The following KPNA7 variants were observed in gnomAD, a reference collection of about 807,000 sequenced individuals.
KPNA7 encodes importin subunit alpha-8.
KPNA7 carries 54 observed loss-of-function variants against 53.7 expected under a neutral mutation model. The observed-to-expected ratio is 1.01, with a 90% CI of 0.81 to 1.26. KPNA7 has a LOEUF of 1.26. Among genes scored for constraint, KPNA7 ranks in the 50% most tolerant of loss-of-function variants. The pLI, the probability that KPNA7 is intolerant of heterozygous loss-of-function variation, is 0.00. For synonymous variants in KPNA7, 276 were observed against 259.3 expected, an observed-to-expected ratio of 1.06 and a Z score of -0.62; for missense variants, 640 against 644.5, an observed-to-expected ratio of 0.99 and a Z score of 0.07.
intron 3 of KPNA7, among the ~76,000 whole-genome samples, chr7:99,201,529 G>T (rs1790533042): frequency 2.0e-5 from 3 of 151,618 alleles, no homozygotes; most frequent in African/African-American, 2.4e-5. Flanking sequence ...TGGGTGTGGT[G>T]GTGGGCACCT....
At chr7:99,149,375 C>G in the KPNA7 span, among the ~76,000 whole-genome samples, 19 of 152,200 alleles carry the variant, frequency 1.2e-4, no homozygotes, top group Non-Finnish European at 2.1e-4. Context: ...CACCATATCA[C>G]CAGCCGGTGC....
chr7:99,164,124 C>G, the KPNA7 span, among the ~76,000 whole-genome samples: 2 of 150,130 alleles, frequency 1.3e-5, no homozygotes, highest in South Asian at 4.4e-4. Flanking sequence ...TTGACCCAGC[C>G]ATCCCATTAC....
Position 99,196,998 on chromosome 7 carries a change from A to G in KPNA7, c.202-832T>C, listed in dbSNP as rs1260601867. ...AAAAACTTGAAAGGGAATGTCATGT[A>G]TAGGGCTATGCATATGCTTAAAAAC... On this transcript the variant is annotated intron_variant, in intron 3 of 10. Transcript: ENST00000327442. Among the ~76,000 whole-genome samples the G allele has an allele frequency of 2.0e-5, 3 of 151,770 alleles. No individual in the cohort carries two copies. The Admixed American group carries it at 2.0e-4, about 10-fold the overall frequency.
intron 5 of KPNA7, 35 bp from the exon 6 acceptor site, chr7:99,193,136 G>T: frequency 7.6e-7 from 1 of 1,316,568 alleles, no homozygotes; most frequent in Non-Finnish European, 1.0e-6. Context: ...TTTAGAGAGA[G>T]AACAAAGACA....
At position 99,193,048 on chromosome 7, in the gene KPNA7, G is replaced by C. The variant is rs146752157; in HGVS notation, c.607C>G (p.Leu203Val). The change falls in exon 6 of 11, where the codon CTC (leucine) becomes GTC (valine). Residue 203 changes from leucine (L) to valine (V), a missense_variant. Physicochemically the swap from Leu to Val is conservative, Grantham distance 32. Transcript: ENST00000327442. The stretch of plus-strand genomic sequence containing the variant: ...AGGGTGGGTGAAATCAAGGCTAGGA[G>C]ATGTGGGATGGCATTGCTTGTGATG... ...NVITSNAIPH[L>V]LALISPTLPI... The C allele has an allele frequency of 1.3e-6, 2 of 1,511,072 alleles. No homozygotes were observed. Among genetic ancestry groups the C allele is most frequent in the Non-Finnish European group, 1.8e-6 (2 of 1,131,976 alleles). The allele number at this position is 1,511,072 out of a possible 1,614,324, so 93.6% of individuals were successfully genotyped here. A position where few individuals can be genotyped will look rare whatever the true frequency, so the allele number is the denominator to read the frequency against.
At chr7:99,160,433 C>G in the KPNA7 span, among the ~76,000 whole-genome samples, 1 of 151,954 alleles carries the variant, frequency 6.6e-6, no homozygotes, top group African/African-American at 2.4e-5. Context: ...CTGTCTCCTC[C>G]ATTCTGCTGT....
chr7:99,218,445 C>G (rs1301495855), intron 1 of KPNA7, among the ~76,000 whole-genome samples: 1 of 152,080 alleles, frequency 6.6e-6, no homozygotes, highest in African/African-American at 2.4e-5. Flanking sequence ...GAATCGGGAA[C>G]AAGTCCCACA....
chr7:99,165,078 T>A, the KPNA7 span, among the ~76,000 whole-genome samples: 137,828 of 152,200 alleles, frequency 0.91, 62,968 homozygotes, highest in East Asian at 1. Context: ...GAGGCAGAGG[T>A]TGCAGTGAGC....
downstream of KPNA7, among the ~76,000 whole-genome samples, chr7:99,171,016 C>T (rs1161035977): frequency 6.6e-6 from 1 of 152,064 alleles, no homozygotes; most frequent in African/African-American, 2.4e-5. Flanking sequence ...GAGTTCAAGA[C>T]TAGCCTGTTC....
chr7:99,195,343 GC>G lies in KPNA7; in HGVS notation c.285-6del, dbSNP rs1465242359. The G allele has an allele frequency of 3.2e-6, 5 of 1,550,438 alleles. No individual in the cohort carries two copies. The South Asian group carries it at 6.0e-5, about 18-fold the overall frequency. On this transcript the variant is annotated splice_region_variant and splice_polypyrimidine_tract_variant and intron_variant, in intron 4 of 10. Transcript: ENST00000327442. ...TTTTCCTGGGATAGCATTTTCCTAT[GC>G]AATGAAAGAGAGGGCAGGGGAGGGG...
chr7:99,169,436 A>G (rs990054405), downstream of KPNA7, among the ~76,000 whole-genome samples: 4 of 151,728 alleles, frequency 2.6e-5, no homozygotes, highest in African/African-American at 9.7e-5. Context: ...CCTGGCCAAC[A>G]TGGTGAAACC....
chr7:99,161,036 T>C, the KPNA7 span, among the ~76,000 whole-genome samples: 1 of 152,136 alleles, frequency 6.6e-6, no homozygotes, highest in Non-Finnish European at 1.5e-5. Context: ...TATTTTCGTA[T>C]ATTTTAGTAA....
chr7:99,195,781 C>T (rs1046785768), intron 4 of KPNA7, among the ~76,000 whole-genome samples: 8 of 152,140 alleles, frequency 5.3e-5, no homozygotes, highest in African/African-American at 1.9e-4. Context: ...AGTGTTCAAC[C>T]GATAGCATTT....
At position 99,196,142 on chromosome 7, in the gene KPNA7, T is replaced by C; in HGVS notation, c.226A>G (p.Ile76Val). Residue 76 changes from isoleucine to valine, a missense_variant, in exon 4 of 11, where the codon ATC becomes GTC. By Grantham distance (29) the Ile-to-Val change is conservative (BLOSUM62 3). Coordinates refer to ENST00000327442, the MANE Select transcript of KPNA7 (RefSeq NM_001145715.3). ...GGATCTGAGCTATTCACACCTTTGA[T>C]TATTTCACCCAGAGTGAGGCTGACC... The part of the protein sequence containing the change: ...VAVSLTLGEI[I>V]KGVNSSDPVL... The C allele has an allele frequency of 6.4e-7, 1 of 1,551,754 alleles. No individual in the cohort carries two copies. The highest frequency in any genetic ancestry group is 8.7e-7 in the Non-Finnish European group (1 of 1,146,966).
intron 7 of KPNA7, among the ~76,000 whole-genome samples, chr7:99,187,797 TTTAAAAAAAAAAAAA>T (rs1407657146): frequency 1.1e-4 from 9 of 79,972 alleles, no homozygotes; most frequent in Non-Finnish European, 1.8e-4. Context: ...GGCCTTTTTT[TTTAAAAAAAAAAAAA>T]AAAAAAAAAA....
chr7:99,160,014 TTTG>T, the KPNA7 span, among the ~76,000 whole-genome samples: 39 of 109,570 alleles, frequency 3.6e-4, no homozygotes, highest in African/African-American at 1.0e-3. Flanking sequence ...CTCTGTTGTT[TTTG>T]TTTTTTTTTT....
At chr7:99,201,771 C>G (rs183120551) in intron 3 of KPNA7, among the ~76,000 whole-genome samples, 1 of 151,904 alleles carries the variant, frequency 6.6e-6, no homozygotes, top group Non-Finnish European at 1.5e-5. Context: ...TGCAGTGGCA[C>G]GATCTTGACT....
chr7:99,218,663 C>A (rs1360192266), intron 1 of KPNA7, among the ~76,000 whole-genome samples: 1 of 152,228 alleles, frequency 6.6e-6, no homozygotes, highest in African/African-American at 2.4e-5. Context: ...AGCACAGTGT[C>A]TCTAAAGACA....
intron 7 of KPNA7, 112 bp downstream of exon 7, chr7:99,188,188 A>G (rs58832433): frequency 6.0e-6 from 6 of 992,098 alleles, no homozygotes; most frequent in Admixed American, 3.1e-5. Flanking sequence ...AAAAAAAAAA[A>G]AAAAAAAAAA....
Sources: allele counts gnomAD v4.1 joint callset (sites outside exome capture counted in the v4.1 genomes callset), GRCh38; gene constraint gnomAD v4.1.1; transcripts MANE v1.5; gene names NCBI Gene and HGNC (gene_info 2026-07-23, HGNC 2026-07-21).